UBA52: variants seen among roughly 807,000 people sequenced by gnomAD.
The protein encoded by UBA52 is ubiquitin-ribosomal protein eL40 fusion protein.
A neutral mutation model predicts 15.3 loss-of-function variants in UBA52; 1 was observed. That is an observed-to-expected ratio of 0.07 (90% CI 0.02 to 0.31). The LOEUF (loss-of-function observed/expected upper bound fraction) is 0.31. Among genes scored for constraint, UBA52 ranks in the 10% least tolerant of loss-of-function variants. UBA52 has a pLI of 1.00. For synonymous variants in UBA52, 50 were observed against 58.3 expected (o/e 0.86, Z 0.65); for missense variants, 87 against 168.0 (o/e 0.52, Z 2.66).
upstream of UBA52, chr19:18,568,285 G>T: frequency 1.4e-6 from 1 of 690,244 alleles, no homozygotes; most frequent in Non-Finnish European, 2.5e-6. Context: ...AAAAAAAAAG[G>T]GTCAAGTCAT....
chr19:18,567,903 C>T (rs1049870137), upstream of UBA52, among the ~76,000 whole-genome samples: 7 of 152,172 alleles, frequency 4.6e-5, no homozygotes, highest in Admixed American at 2.0e-4. Context: ...TCTTGTGTCC[C>T]TTCCTCACCT....
the UBA52 span, among the ~76,000 whole-genome samples, chr19:18,564,638 G>A: frequency 3.3e-5 from 5 of 152,104 alleles, no homozygotes; most frequent in East Asian, 5.8e-4. Flanking sequence ...AAGTCTGACT[G>A]AATAGAGGTA....
the UBA52 span, chr19:18,565,229 AG>A: frequency 3.7e-6 from 4 of 1,088,164 alleles, no homozygotes; most frequent in Admixed American, 3.3e-5. Flanking sequence ...ATCGAGACAG[AG>A]TTTTTTTTTT....
At position 18,576,975 on chromosome 19, in the gene UBA52, A is replaced by C. The variant is rs554973703; in HGVS notation, c.*1825A>C. 1.8e-5 allele frequency: 2 copies of C among 113,042 alleles called. No individual in the cohort carries two copies. The highest frequency in any genetic ancestry group is 5.2e-4 in the East Asian group (2 of 3,840). 7.0% of individuals were successfully genotyped at this position (113,042 alleles called of 1,614,324 possible). On this transcript the variant is annotated 3_prime_UTR_variant, in exon 5 of 5. Transcript: ENST00000442744. ...AAGCCACAGCGCCTGGCCTTGCTAC[A>C]TTTTTTTTTTTTTTTTTTTTTTTAC...
chr19:18,568,603 CAGATGACGAGG>C, upstream of UBA52: 1 of 1,612,338 alleles, frequency 6.2e-7, no homozygotes. Flanking sequence ...CGCAGCCAGA[CAGATGACGAGG>C]AGATGACGGG....
Position 18,576,736 on chromosome 19 carries a change from A to T in UBA52, c.*1586A>T, listed in dbSNP as rs1975799630. The T allele has an allele frequency of 6.8e-6, 1 of 146,458 alleles. No individual in the cohort carries two copies. Among genetic ancestry groups the T allele is most frequent in the South Asian group, 2.1e-4 (1 of 4,716 alleles). The allele number at this position is 146,458 out of a possible 1,614,324, so 9.1% of individuals were successfully genotyped here. ...GAGTGCGGTGGCGCAGTCTCGGCTC[A>T]CTGCAGCTTCTGCCTCTCGGGTTCA... On this transcript the variant is annotated 3_prime_UTR_variant, in exon 5 of 5. Transcript: ENST00000442744.
chr19:18,565,859 T>G, the UBA52 span, among the ~76,000 whole-genome samples: 1 of 152,144 alleles, frequency 6.6e-6, no homozygotes, highest in Non-Finnish European at 1.5e-5. Context: ...AGCTGATTTT[T>G]TGTATTTTAG....
rs531064823 is a variant in UBA52, at chr19:18,573,758, T to C, written c.190+10T>C. 5 of 1,613,282 alleles carry C rather than the reference T, an allele frequency of 3.1e-6. No homozygotes were observed. Among genetic ancestry groups the C allele is most frequent in the African/African-American group, 1.3e-5 (1 of 74,956 alleles). On this transcript the variant is annotated intron_variant, in intron 3 of 4. Coordinates refer to ENST00000442744, the MANE Select transcript of UBA52 (RefSeq NM_001033930.3). ...TACAACATCCAGAAAGGTACCGGGG[T>C]TGGGGTTGCTGGGCAGGGACCCAAG... is the stretch of plus-strand genomic sequence containing the variant.
intron 3 of UBA52, among the ~76,000 whole-genome samples, chr19:18,574,391 C>A (rs957250452): frequency 6.6e-6 from 1 of 151,726 alleles, no homozygotes; most frequent in African/African-American, 2.4e-5. Flanking sequence ...CGGGTTCAAG[C>A]GATTCCCCTG....
chr19:18,564,771 T>A, the UBA52 span: 1 of 1,369,178 alleles, frequency 7.3e-7, no homozygotes, highest in East Asian at 2.3e-5. Context: ...GCAAAGGTTG[T>A]GAAGCAGGCA....
Position 18,575,310 on chromosome 19 carries a change from C to G in UBA52, c.*160C>G. 3 of 757,816 alleles carry G rather than the reference C, an allele frequency of 4.0e-6. 1 individual carries two copies. In the South Asian group the frequency reaches 5.2e-5, roughly 13 times the overall value. The allele number at this position is 757,816 out of a possible 1,614,324, so 46.9% of individuals were successfully genotyped here. A position where few individuals can be genotyped will look rare whatever the true frequency, so the allele number is the denominator to read the frequency against. Reference sequence around the variant, plus strand: ...GTGGGCATCTCCCTTAGGGACTCTACTCAGCACTCCATTCTGTGCCACCTG... The same window carrying G: ...GTGGGCATCTCCCTTAGGGACTCTAGTCAGCACTCCATTCTGTGCCACCTG... On this transcript the variant is annotated 3_prime_UTR_variant, in exon 5 of 5. Coordinates refer to ENST00000442744, the MANE Select transcript of UBA52 (RefSeq NM_001033930.3).
rs768629799 is a variant in UBA52, at chr19:18,573,420, G to T, written c.103+17G>T. 1.0e-5 allele frequency: 16 copies of T among 1,605,432 alleles called. No homozygotes were observed. In the South Asian group the frequency reaches 1.8e-4, roughly 18 times the overall value. ...ACAAGGAGGGTGAGTAGGGCTGGGT[G>T]TGGGGGCTCTGGCTGTGAACTGGGA... On this transcript the variant is annotated intron_variant, in intron 2 of 4. Transcript: ENST00000442744.
rs114900324 is a variant in UBA52, at chr19:18,572,142, A to G, written c.-9+233A>G. ...TGACCCCACGAGGCCTCGGGCGGGA[A>G]GAGGTCCTCGGGGCAGATCCGAGTT... On this transcript the variant is annotated intron_variant, in intron 1 of 4. Coordinates refer to ENST00000442744, the MANE Select transcript of UBA52 (RefSeq NM_001033930.3). 1,007 of 152,364 alleles carry G rather than the reference A, an allele frequency of 6.6e-3. 9 individuals are homozygous for G. The highest frequency in any genetic ancestry group is 0.023 in the African/African-American group (946 of 41,588). 9.4% of individuals were successfully genotyped at this position (152,364 alleles called of 1,614,324 possible).
At chr19:18,568,905 AG>A (rs1330592340), upstream of UBA52, 4 of 481,240 alleles carry the variant, frequency 8.3e-6, no homozygotes, top group Non-Finnish European at 1.5e-5. Flanking sequence ...GGCTGGGCAC[AG>A]GGGAATTTTT....
chr19:18,573,278 C>G lies in UBA52; in HGVS notation c.-8-15C>G, dbSNP rs1159921843. On this transcript the variant is annotated splice_polypyrimidine_tract_variant and intron_variant, in intron 1 of 4. Coordinates refer to ENST00000442744, the MANE Select transcript of UBA52 (RefSeq NM_001033930.3). ...CATTGCTCACCAGTCTATCCTGCCT[C>G]CCTTCCTCCTGCAGACGCAAACATG... 1.1e-5 allele frequency: 17 copies of G among 1,612,756 alleles called. No homozygotes were observed. The highest frequency in any genetic ancestry group is 2.7e-5 in the African/African-American group (2 of 74,886).
In UBA52 at chr19:18,577,005, A is replaced by G. The variant is rs1975816000; in HGVS notation, c.*1855A>G. 8.0e-6 allele frequency: 1 copy of G among 124,324 alleles called. No individual in the cohort carries two copies. The highest frequency in any genetic ancestry group is 3.0e-5 in the African/African-American group (1 of 33,344). The allele number at this position is 124,324 out of a possible 1,614,324, so 7.7% of individuals were successfully genotyped here. A position where few individuals can be genotyped will look rare whatever the true frequency, so the allele number is the denominator to read the frequency against. ...TTTTTTTTTTTTTTTTTTTACAGAC[A>G]TGGTCTCGCTATGTTGCCCAGAATG... On this transcript the variant is annotated 3_prime_UTR_variant, in exon 5 of 5. Coordinates refer to ENST00000442744, the MANE Select transcript of UBA52 (RefSeq NM_001033930.3).
rs1393999423 is a variant in UBA52, at chr19:18,576,935, T to TAGGATTAC, written c.*1787_*1794dup. ...TACCTGTCTTGGCCTTCCAAAGTGCTAGGATTACAAGCGTAAGCCACAGCG... is the reference window on the plus strand; with the variant it reads ...TACCTGTCTTGGCCTTCCAAAGTGCTAGGATTACAGGATTACAAGCGTAAGCCACAGCG... On this transcript the variant is annotated 3_prime_UTR_variant, in exon 5 of 5. Coordinates refer to ENST00000442744, the MANE Select transcript of UBA52 (RefSeq NM_001033930.3). 1 of 151,376 alleles carries TAGGATTAC rather than the reference T, an allele frequency of 6.6e-6. No homozygotes were observed. The highest frequency in any genetic ancestry group is 1.5e-5 in the Non-Finnish European group (1 of 68,002). The allele number at this position is 151,376 out of a possible 1,614,324, so 9.4% of individuals were successfully genotyped here.
rs2145287047 is a variant in UBA52 at position 18,573,363 on chromosome 19, C to T, written c.63C>T (p.Asp21=). 1 of 1,614,162 alleles carries T rather than the reference C, an allele frequency of 6.2e-7. No individual in the cohort carries two copies. The highest frequency in any genetic ancestry group is 8.5e-7 in the Non-Finnish European group (1 of 1,180,020). The change falls in exon 2 of 5, where the codon GAC becomes GAT. Residue 21 remains aspartate, a synonymous_variant. Coordinates refer to ENST00000442744, the MANE Select transcript of UBA52 (RefSeq NM_001033930.3). ...KTITLEVEPS[D]TIENVKAKIQ... ...TCACCCTTGAGGTCGAGCCCAGTGA[C>T]ACCATTGAGAATGTCAAAGCCAAAA...
At chr19:18,568,931 G>A, upstream of UBA52, 1 of 435,302 alleles carries the variant, frequency 2.3e-6, no homozygotes, top group South Asian at 2.6e-5. Context: ...AGCTGAGCCT[G>A]ACGTCTGCTC....
Sources: gnomAD v4.1 joint callset for allele counts (sites outside exome capture counted in the v4.1 genomes callset) on GRCh38, gnomAD v4.1.1 for gene constraint, MANE v1.5 for transcripts, NCBI Gene and HGNC (gene_info 2026-07-23, HGNC 2026-07-21) for gene names.